The following TOX variants were observed in gnomAD, a reference collection of about 807,000 sequenced individuals.
The protein encoded by TOX is thymocyte selection associated high mobility group box, also known as thymocyte selection-associated high mobility group box protein TOX.
TOX carries 11 observed loss-of-function variants against 53.7 expected under a neutral mutation model. The ratio of observed to expected loss-of-function variants is 0.20; its 90% CI spans 0.13 to 0.34. The LOEUF (loss-of-function observed/expected upper bound fraction) is 0.34, where lower values mean the gene tolerates loss of function less well. Ranked by LOEUF, TOX falls within the 10% of genes least tolerant of loss-of-function variation. The probability of loss-of-function intolerance (pLI) is 1.00; values close to 1 mark genes in which losing one functional copy is unlikely to be tolerated. For synonymous variants in TOX, 225 were observed against 245.3 expected, an observed-to-expected ratio of 0.92 and a Z score of 0.77; for missense variants, 570 against 664.6, an observed-to-expected ratio of 0.86 and a Z score of 1.56.
intron 1 of TOX, among the ~76,000 whole-genome samples, chr8:59,006,181 G>T (rs1017005255): frequency 6.6e-6 from 1 of 152,222 alleles, no homozygotes; most frequent in African/African-American, 2.4e-5. Flanking sequence ...CATTGTGTCT[G>T]TGCTTTTATT....
intron 1 of TOX, among the ~76,000 whole-genome samples, chr8:59,042,713 T>C (rs528853603): frequency 6.6e-6 from 1 of 152,348 alleles, no homozygotes; most frequent in South Asian, 2.1e-4. Flanking sequence ...GACTCTAAAG[T>C]AATATAGCTA....
At chr8:59,030,317 G>C (rs1273197902) in intron 1 of TOX, among the ~76,000 whole-genome samples, 7 of 152,124 alleles carry the variant, frequency 4.6e-5, no homozygotes, top group Admixed American at 4.6e-4. Flanking sequence ...ATTAAATGTT[G>C]ACAACCACAG....
At chr8:59,046,858 C>CAAAAAAAAAAAAAAAAAAAAAAAAA (rs34869193) in intron 1 of TOX, among the ~76,000 whole-genome samples, 1 of 77,906 alleles carries the variant, frequency 1.3e-5, no homozygotes, top group Non-Finnish European at 2.3e-5. Context: ...GACTATGTCT[C>CAAAAAAAAAAAAAAAAAAAAAAAAA]AAAAAAAAAA....
At chr8:59,108,163 A>G (rs1216049712) in intron 1 of TOX, among the ~76,000 whole-genome samples, 1 of 152,184 alleles carries the variant, frequency 6.6e-6, no homozygotes, top group Non-Finnish European at 1.5e-5. Context: ...ACTTTTACAG[A>G]GCTTAAACCT....
intron 1 of TOX, among the ~76,000 whole-genome samples, chr8:58,980,324 T>C (rs996868195): frequency 2.0e-5 from 3 of 152,130 alleles, no homozygotes; most frequent in African/African-American, 7.2e-5. Context: ...TCATCAGCTG[T>C]CTCCTGGGAG....
At chr8:58,951,687 A>G (rs1011457140) in intron 2 of TOX, among the ~76,000 whole-genome samples, 2 of 152,226 alleles carry the variant, frequency 1.3e-5, no homozygotes, top group African/African-American at 4.8e-5. Context: ...TGGGAGGCCC[A>G]GTTGCAAACA....
At chr8:59,031,830 A>G (rs1300247501) in intron 1 of TOX, among the ~76,000 whole-genome samples, 1 of 152,168 alleles carries the variant, frequency 6.6e-6, no homozygotes, top group East Asian at 1.9e-4. Flanking sequence ...CTAATAAATA[A>G]ACCAGAGAAA....
At chr8:58,902,356 C>A (rs1431627441) in intron 3 of TOX, among the ~76,000 whole-genome samples, 2 of 152,152 alleles carry the variant, frequency 1.3e-5, no homozygotes, top group African/African-American at 4.8e-5. Flanking sequence ...CCATCATCTG[C>A]ATGGTGATCC....
chr8:59,105,528 T>C (rs1308268957), intron 1 of TOX, among the ~76,000 whole-genome samples: 1 of 152,150 alleles, frequency 6.6e-6, no homozygotes, highest in Non-Finnish European at 1.5e-5. Context: ...TGCCTTCATA[T>C]AGTGATCATC....
intron 2 of TOX, among the ~76,000 whole-genome samples, chr8:58,944,441 A>G (rs1812493472): frequency 2.6e-5 from 4 of 152,246 alleles, no homozygotes. Context: ...GTAATCGCAC[A>G]TTTAGCTTAT....
chr8:58,963,294 G>GATAT (rs754713337), intron 1 of TOX, among the ~76,000 whole-genome samples: 16 of 76,100 alleles, frequency 2.1e-4, no homozygotes, highest in Non-Finnish European at 4.4e-4. Context: ...ATAGATAGAA[G>GATAT]ATAGATAGAT....
At chr8:58,866,225 G>T (rs1010240920) in intron 3 of TOX, among the ~76,000 whole-genome samples, 1 of 152,156 alleles carries the variant, frequency 6.6e-6, no homozygotes, top group Non-Finnish European at 1.5e-5. Flanking sequence ...TTTCTGTATT[G>T]TAAAAGAGTT....
intron 4 of TOX, among the ~76,000 whole-genome samples, chr8:58,840,804 A>T (rs1255535065): frequency 1.3e-5 from 2 of 150,542 alleles, no homozygotes; most frequent in East Asian, 3.9e-4. Context: ...GCTCTCAATT[A>T]GATCTCCACT....
Position 58,939,319 on chromosome 8 carries a change from A to T in TOX, c.394T>A (p.Ser132Thr), listed in dbSNP as rs762736289. 6.2e-7 allele frequency: 1 copy of T among 1,614,100 alleles called. No homozygotes were observed. The highest frequency in any genetic ancestry group is 8.5e-7 in the Non-Finnish European group (1 of 1,179,996). ...ATTCTTACCACAGAAATGGAATTAG[A>T]AAGCAGTGTTCCATCCTGGCCCAGC... is the stretch of plus-strand genomic sequence containing the variant. ...NMLGQDGTLL[S>T]NSISVMPDIR... is the part of the protein sequence containing the mutation. The change falls in exon 3 of 9, where the codon TCT (serine) becomes ACT (threonine). Residue 132 changes from serine (S) to threonine (T), a missense_variant. Transcript: ENST00000361421.
intron 3 of TOX, among the ~76,000 whole-genome samples, chr8:58,856,359 T>C (rs1424089899): frequency 6.6e-6 from 1 of 152,034 alleles, no homozygotes; most frequent in African/African-American, 2.4e-5. Context: ...AATGCATTTT[T>C]CAATCCCTCT....
Position 58,851,747 on chromosome 8 carries a change from G to T in TOX, c.470C>A (p.Ala157Asp). 1 of 1,612,762 alleles carries T rather than the reference G, an allele frequency of 6.2e-7. No individual in the cohort carries two copies. Residue 157 changes from alanine (A) to aspartate (D), a missense_variant, in exon 4 of 9, where the codon GCC becomes GAC. Around this residue, in one of 3 missense-constraint regions of TOX, gnomAD observed 282 missense variants for 315.0 expected, o/e 0.90. Coordinates refer to ENST00000361421, the MANE Select transcript of TOX (RefSeq NM_014729.3). This position sits in a 1 kb window ranked among gnomAD's most constrained non-coding sequence, Gnocchi z 4.4. ...TGCAGGCTGGCCCCTTGGTCTCATG[G>T]CTGCCATCTGAGGATGGGAACTGTA... Reference protein sequence around the residue: ...TQYSSHPQMAAMRPRGQPADI... With the variant: ...TQYSSHPQMADMRPRGQPADI...
intron 1 of TOX, among the ~76,000 whole-genome samples, chr8:59,061,420 C>T (rs1447599375): frequency 6.6e-6 from 1 of 152,164 alleles, no homozygotes; most frequent in Non-Finnish European, 1.5e-5. Context: ...AACAAAACAG[C>T]TTGTATCTCT....
intron 1 of TOX, among the ~76,000 whole-genome samples, chr8:58,996,241 T>C (rs963827423): frequency 2.0e-5 from 3 of 152,224 alleles, no homozygotes; most frequent in Admixed American, 2.0e-4. Flanking sequence ...CTTCACAATG[T>C]TTTCCCCACA....
chr8:59,017,475 G>T (rs1261359623), intron 1 of TOX, among the ~76,000 whole-genome samples: 1 of 152,158 alleles, frequency 6.6e-6, no homozygotes, highest in Non-Finnish European at 1.5e-5. Flanking sequence ...TAATTATAAT[G>T]CTTCAAGGTC....
Sources: gnomAD v4.1 joint callset for allele counts (sites outside exome capture counted in the v4.1 genomes callset) on GRCh38, gnomAD v4.1.1 for gene constraint, gnomAD v4.1.1 regional missense constraint, Gnocchi (gnomAD v3.1) non-coding constraint, MANE v1.5 for transcripts, NCBI Gene and HGNC (gene_info 2026-07-23, HGNC 2026-07-21) for gene names.